Variants in ZMYM4 observed in about 807,000 individuals in gnomAD.
ZMYM4 encodes the protein zinc finger MYM-type containing 4, also known as zinc finger MYM-type protein 4.
A neutral mutation model predicts 183.2 loss-of-function variants in ZMYM4; 31 were observed. The observed-to-expected ratio is 0.17, with a 90% CI of 0.13 to 0.23. The LOEUF is 0.23. Among genes scored for constraint, ZMYM4 ranks in the 10% least tolerant of loss-of-function variants. The probability of loss-of-function intolerance (pLI) is 1.00; values close to 1 mark genes in which losing one functional copy is unlikely to be tolerated. For missense variants in ZMYM4, 1,273 were observed against 1,840.3 expected (o/e 0.69, Z 5.64); for synonymous variants, 592 against 631.2 (o/e 0.94, Z 0.93).
intron 1 of ZMYM4, among the ~76,000 whole-genome samples, chr1:35,300,474 G>A (rs1487385132): frequency 1.3e-5 from 2 of 152,038 alleles, no homozygotes; most frequent in African/African-American, 4.8e-5. Context: ...CATAAAATTG[G>A]GAAGTTTTGG....
rs1234239358 is a variant in ZMYM4, at chr1:35,268,953, GC to G, written c.-93del. 53 of 1,313,710 alleles carry G rather than the reference GC, an allele frequency of 4.0e-5. No homozygotes were observed. Among genetic ancestry groups the G allele is most frequent in the Non-Finnish European group, 4.8e-5 (49 of 1,025,226 alleles). 81.4% of individuals were successfully genotyped at this position (1,313,710 alleles called of 1,614,324 possible). A position where few individuals can be genotyped will look rare whatever the true frequency, so the allele number is the denominator to read the frequency against. On this transcript the variant is annotated 5_prime_UTR_variant, in exon 1 of 30. Transcript: ENST00000314607. ...CCGGGTCCGGGGAAGCTGCCGCGAG[GC>G]GGCCGTGCCTGCAGTGTGGGCGGGG...
intron 1 of ZMYM4, among the ~76,000 whole-genome samples, chr1:35,313,570 G>GTA (rs1394536412): frequency 6.6e-6 from 1 of 150,754 alleles, no homozygotes; most frequent in Non-Finnish European, 1.5e-5. Flanking sequence ...TTGTATTTTA[G>GTA]TAAAGGTGGG....
At chr1:35,333,550 G>A (rs1288530518) in intron 2 of ZMYM4, among the ~76,000 whole-genome samples, 4 of 152,104 alleles carry the variant, frequency 2.6e-5, no homozygotes, top group East Asian at 1.9e-4. Flanking sequence ...CAGCTACTGC[G>A]CCTGGCCCAT....
At chr1:35,280,024 A>C in intron 1 of ZMYM4, among the ~76,000 whole-genome samples, 1 of 152,162 alleles carries the variant, frequency 6.6e-6, no homozygotes, top group African/African-American at 2.4e-5. Context: ...CTTTTCTAAA[A>C]TCATGCATCT....
intron 2 of ZMYM4, chr1:35,351,059 C>T (rs935395268): frequency 1.2e-6 from 1 of 844,614 alleles, no homozygotes; most frequent in African/African-American, 1.7e-5. Context: ...ATAGGTTTGG[C>T]ATGGACAAGA....
At chr1:35,341,283 T>C (rs537471664) in intron 2 of ZMYM4, among the ~76,000 whole-genome samples, 123 of 152,212 alleles carry the variant, frequency 8.1e-4, no homozygotes, top group Non-Finnish European at 1.1e-3. Context: ...TCCAAAAATA[T>C]TTTGTTGGAC....
chr1:35,418,986 T>G (rs571375402), intron 29 of ZMYM4, among the ~76,000 whole-genome samples: 1 of 152,338 alleles, frequency 6.6e-6, no homozygotes, highest in East Asian at 1.9e-4. Context: ...TTGTAACACT[T>G]TTTTTTCTGA....
At chr1:35,309,930 T>G (rs1365673606) in intron 1 of ZMYM4, among the ~76,000 whole-genome samples, 1 of 145,500 alleles carries the variant, frequency 6.9e-6, no homozygotes, top group Non-Finnish European at 1.5e-5. Context: ...TGTTTTTTTT[T>G]GTTTTTTTTT....
intron 1 of ZMYM4, among the ~76,000 whole-genome samples, chr1:35,303,189 T>C (rs887083624): frequency 6.7e-6 from 1 of 149,514 alleles, no homozygotes; most frequent in African/African-American, 2.5e-5. Context: ...CTCTGGAGGC[T>C]GAGGTGGGAG....
Position 35,381,744 on chromosome 1 carries a change from A to G in ZMYM4, c.1555A>G (p.Thr519Ala). ...SKKFCSSSCI[T>A]AYKQKSAKIT... ...GAAGTTTTGTAGTTCATCGTGTATC[A>G]CGGCATACAAGCAGGTACATGACCA... is the stretch of plus-strand genomic sequence containing the variant. The change falls in exon 9 of 30, where the codon ACG becomes GCG. Residue 519 changes from threonine (T) to alanine (A), a missense_variant. Physicochemically the swap from Thr to Ala is moderately conservative, Grantham distance 58. Transcript: ENST00000314607. 6.2e-7 allele frequency: 1 copy of G among 1,614,152 alleles called. No homozygotes were observed.
In ZMYM4 at chr1:35,393,612, T is replaced by C. The variant is rs148994584; in HGVS notation, c.2784T>C (p.Asp928=). The C allele has an allele frequency of 1.2e-5, 20 of 1,609,090 alleles. No homozygotes were observed. The highest frequency in any genetic ancestry group is 1.7e-5 in the Non-Finnish European group (20 of 1,177,292). ...TTTACTAGGCAAGTACTCAAACAGATGCCCTGAAACTGCCACCTTCCCAAC... is the reference window on the plus strand; with the variant it reads ...TTTACTAGGCAAGTACTCAAACAGACGCCCTGAAACTGCCACCTTCCCAAC... ...KIIGDASTQT[D]ALKLPPSQPP... Residue 928 remains aspartate (D), a synonymous_variant, in exon 18 of 30, where the codon GAT becomes GAC. Coordinates refer to ENST00000314607, the MANE Select transcript of ZMYM4 (RefSeq NM_005095.3).
rs148364423 is a variant in ZMYM4, at chr1:35,357,605, T to G, written c.86-1320T>G. 8.5e-5 allele frequency among the ~76,000 whole-genome samples: 13 copies of G among 152,298 alleles called. 2 individuals are homozygous for G. Among genetic ancestry groups the G allele is most frequent in the African/African-American group, 2.6e-4 (11 of 41,578 alleles). On this transcript the variant is annotated intron_variant, in intron 2 of 29. Coordinates refer to ENST00000314607, the MANE Select transcript of ZMYM4 (RefSeq NM_005095.3). ...GATTTGAGAGAGATAAGTAATAAAG[T>G]TGACAGAATTTGTCCAGGGGGAAAT...
chr1:35,355,567 G>C (rs1380439002), intron 2 of ZMYM4, among the ~76,000 whole-genome samples: 3 of 151,966 alleles, frequency 2.0e-5, no homozygotes, highest in Non-Finnish European at 4.4e-5. Flanking sequence ...ATTACCCTTT[G>C]TGATATGAAA....
At chr1:35,394,354 G>C (rs1644770579) in intron 18 of ZMYM4, among the ~76,000 whole-genome samples, 2 of 151,578 alleles carry the variant, frequency 1.3e-5, no homozygotes, top group South Asian at 4.2e-4. Flanking sequence ...TTCTTGGCCT[G>C]CTTTTCCTAG....
chr1:35,380,851 G>C (rs1644441935), intron 7 of ZMYM4, among the ~76,000 whole-genome samples: 1 of 152,076 alleles, frequency 6.6e-6, no homozygotes, highest in African/African-American at 2.4e-5. Context: ...TAAAATGTAT[G>C]TTTACTTTTA....
intron 2 of ZMYM4, among the ~76,000 whole-genome samples, chr1:35,357,129 A>G (rs891709075): frequency 2.6e-5 from 4 of 152,136 alleles, no homozygotes; most frequent in African/African-American, 9.7e-5. Context: ...GCCTCAAACA[A>G]TCCTCTGGCC....
intron 15 of ZMYM4, among the ~76,000 whole-genome samples, chr1:35,391,215 C>CT (rs1558152835): frequency 6.6e-6 from 1 of 152,090 alleles, no homozygotes; most frequent in Non-Finnish European, 1.5e-5. Context: ...TCTGCAAAGA[C>CT]GCAGCGGCTT....
intron 1 of ZMYM4, chr1:35,308,914 C>G: frequency 4.1e-6 from 4 of 967,656 alleles, no homozygotes; most frequent in Non-Finnish European, 4.9e-6. Flanking sequence ...TTGGAAGATT[C>G]ATGCAAAACA....
In ZMYM4 at chr1:35,419,763, C is replaced by G. The variant is rs1195706885; in HGVS notation, c.*86C>G. ...AGCTGTTGGAAAATGATGTATAAGT[C>G]TAAGTCCTCTTGACTTGACCATAAG... On this transcript the variant is annotated 3_prime_UTR_variant, in exon 30 of 30. Transcript: ENST00000314607. 14 of 1,359,346 alleles carry G rather than the reference C, an allele frequency of 1.0e-5. No homozygotes were observed. The highest frequency in any genetic ancestry group is 1.4e-5 in the African/African-American group (1 of 69,208). The allele number at this position is 1,359,346 out of a possible 1,614,324, so 84.2% of individuals were successfully genotyped here.
Sources: allele counts gnomAD v4.1 joint callset (sites outside exome capture counted in the v4.1 genomes callset), GRCh38; gene constraint gnomAD v4.1.1; transcripts MANE v1.5; gene names NCBI Gene and HGNC (gene_info 2026-07-23, HGNC 2026-07-21).